The following SNTG1 variants were observed in gnomAD, a reference collection of about 807,000 sequenced individuals.
SNTG1 encodes the protein gamma-1-syntrophin.
In SNTG1, 39 loss-of-function variants were observed where a neutral mutation model predicts 74.7. The ratio of observed to expected loss-of-function variants is 0.52; its 90% CI spans 0.40 to 0.68. The LOEUF (loss-of-function observed/expected upper bound fraction) is 0.68. SNTG1 is among the 30% of genes least tolerant of loss of function. The pLI is 0.00. For missense variants in SNTG1, 685 were observed against 609.5 expected, an observed-to-expected ratio of 1.12 and a Z score of -1.30; for synonymous variants, 254 against 217.1, an observed-to-expected ratio of 1.17 and a Z score of -1.49.
chr8:50,633,088 T>C (rs2095013717), intron 13 of SNTG1, among the ~76,000 whole-genome samples: 1 of 152,224 alleles, frequency 6.6e-6, no homozygotes. Context: ...TTCATGGGCA[T>C]TAGTAATAAA....
At chr8:50,119,226 T>C (rs760300014) in intron 1 of SNTG1, among the ~76,000 whole-genome samples, 1 of 141,654 alleles carries the variant, frequency 7.1e-6, no homozygotes, top group Non-Finnish European at 1.6e-5. Flanking sequence ...GTGCCCACTT[T>C]TATATTTTAT....
chr8:50,226,899 C>T (rs1388151728), intron 2 of SNTG1, among the ~76,000 whole-genome samples: 1 of 152,102 alleles, frequency 6.6e-6, no homozygotes, highest in African/African-American at 2.4e-5. Flanking sequence ...TTTTCATCAA[C>T]AGTATATTCA....
chr8:49,937,148 C>G (rs1468425574), intron 1 of SNTG1, among the ~76,000 whole-genome samples: 1 of 151,458 alleles, frequency 6.6e-6, no homozygotes, highest in Non-Finnish European at 1.5e-5. Context: ...GACTCCGTCT[C>G]AAAACAAACA....
chr8:50,733,183 T>G (rs1467056015), intron 17 of SNTG1, among the ~76,000 whole-genome samples: 1 of 152,038 alleles, frequency 6.6e-6, no homozygotes, highest in African/African-American at 2.4e-5. Context: ...ACATGTGGAA[T>G]TTGGTTTTCT....
chr8:50,636,137 C>T (rs1346485449), intron 13 of SNTG1, among the ~76,000 whole-genome samples: 1 of 151,292 alleles, frequency 6.6e-6, no homozygotes, highest in Non-Finnish European at 1.5e-5. Context: ...ACTACTATGA[C>T]TGAGCTGGTA....
chr8:50,080,027 A>C (rs529247755), intron 1 of SNTG1, among the ~76,000 whole-genome samples: 5 of 152,152 alleles, frequency 3.3e-5, no homozygotes, highest in Admixed American at 2.6e-4. Context: ...TCTTGGCCAC[A>C]TGGGCTTGTT....
At chr8:50,601,582 G>T (rs564608923) in intron 13 of SNTG1, among the ~76,000 whole-genome samples, 57 of 152,292 alleles carry the variant, frequency 3.7e-4, no homozygotes, top group African/African-American at 1.3e-3. Flanking sequence ...CTGAGGAGAA[G>T]AATGTTTATT....
At chr8:50,504,997 C>T (rs2093994576) in intron 9 of SNTG1, among the ~76,000 whole-genome samples, 1 of 152,038 alleles carries the variant, frequency 6.6e-6, no homozygotes, top group Admixed American at 6.6e-5. Context: ...TCCCTATTTT[C>T]CCCAGACCCA....
intron 2 of SNTG1, among the ~76,000 whole-genome samples, chr8:50,261,894 T>A (rs981124576): frequency 2.6e-5 from 4 of 152,160 alleles, no homozygotes; most frequent in Non-Finnish European, 5.9e-5. Flanking sequence ...GAGAATAGAT[T>A]ATAAATATAT....
intron 2 of SNTG1, among the ~76,000 whole-genome samples, chr8:50,353,310 C>T (rs752265256): frequency 1.3e-5 from 2 of 151,448 alleles, no homozygotes; most frequent in African/African-American, 2.4e-5. Context: ...TTGTAAATGA[C>T]GAGTTAATGG....
intron 9 of SNTG1, among the ~76,000 whole-genome samples, chr8:50,511,054 G>T (rs181371547): frequency 3.9e-4 from 59 of 152,224 alleles, no homozygotes; most frequent in Admixed American, 1.0e-3. Flanking sequence ...TGGGCATTTA[G>T]TGCTATAAAT....
intron 13 of SNTG1, among the ~76,000 whole-genome samples, chr8:50,619,756 A>C (rs2094909419): frequency 6.7e-6 from 1 of 150,178 alleles, no homozygotes; most frequent in Admixed American, 6.6e-5. Flanking sequence ...AAAAAGAAAG[A>C]TACATGGTTC....
intron 2 of SNTG1, among the ~76,000 whole-genome samples, chr8:50,226,203 A>G (rs2085319922): frequency 1.3e-5 from 2 of 152,156 alleles, no homozygotes; most frequent in African/African-American, 2.4e-5. Flanking sequence ...ATTCCTATCT[A>G]AGGGGTCTGG....
At chr8:50,379,274 G>A (rs533073628) in intron 2 of SNTG1, among the ~76,000 whole-genome samples, 4 of 152,194 alleles carry the variant, frequency 2.6e-5, no homozygotes, top group South Asian at 4.1e-4. Context: ...AGTGCTCACA[G>A]CAGGGAGTAG....
intron 15 of SNTG1, among the ~76,000 whole-genome samples, chr8:50,665,233 AAG>A (rs1430854944): frequency 6.6e-6 from 1 of 152,064 alleles, no homozygotes; most frequent in African/African-American, 2.4e-5. Context: ...GGGAAGGAGA[AAG>A]AGGGATTGAT....
chr8:50,436,871 G>A (rs1015824950), intron 4 of SNTG1, among the ~76,000 whole-genome samples: 1 of 151,922 alleles, frequency 6.6e-6, no homozygotes, highest in Non-Finnish European at 1.5e-5. Context: ...TGTATATGCA[G>A]CCCTGTTTAT....
chr8:50,770,701 A>G (rs1002318381), intron 18 of SNTG1, among the ~76,000 whole-genome samples: 2 of 152,040 alleles, frequency 1.3e-5, no homozygotes, highest in African/African-American at 4.8e-5. Context: ...GGTGGGGCCT[A>G]TTGGGAGGTG....
chr8:50,327,519 G>C (rs540301523), intron 2 of SNTG1, among the ~76,000 whole-genome samples: 1 of 152,016 alleles, frequency 6.6e-6, no homozygotes, highest in African/African-American at 2.4e-5. Flanking sequence ...ATGTCTTTCT[G>C]TATCCTCTTA....
chr8:50,682,868 C>T (rs1365164812), intron 15 of SNTG1, among the ~76,000 whole-genome samples: 1 of 152,174 alleles, frequency 6.6e-6, no homozygotes, highest in African/African-American at 2.4e-5. Flanking sequence ...TTGCCTTCCT[C>T]TCCAAATAGC....
Sources: allele counts gnomAD v4.1 joint callset (sites outside exome capture counted in the v4.1 genomes callset), GRCh38; gene constraint gnomAD v4.1.1; transcripts MANE v1.5; gene names NCBI Gene and HGNC (gene_info 2026-07-23, HGNC 2026-07-21).